Variants in NKAIN3 observed in about 807,000 individuals in gnomAD.
NKAIN3 encodes sodium/potassium-transporting ATPase subunit beta-1-interacting protein 3.
Under a neutral mutation model 30.2 loss-of-function variants are expected in NKAIN3, and 25 were observed. That is an observed-to-expected ratio of 0.83 (90% CI 0.60 to 1.16). The LOEUF is 1.16. NKAIN3 is among the 50% of genes most tolerant of loss of function. The pLI is 0.00. For missense variants in NKAIN3, 225 were observed against 254.1 expected (o/e 0.89, Z 0.78); for synonymous variants, 91 against 89.6 (o/e 1.02, Z -0.09).
Position 62,465,228 on chromosome 8 carries a change from A to T in NKAIN3, c.55-114311A>T, listed in dbSNP as rs190336903. On this transcript the variant is annotated intron_variant, in intron 1 of 6. Transcript: ENST00000623646. ...GTTGCAAGTAACATAACATCATCAGATTTATACCATAATTGTAAGATGCAA... is the reference window on the plus strand; with the variant it reads ...GTTGCAAGTAACATAACATCATCAGTTTTATACCATAATTGTAAGATGCAA... Among the ~76,000 whole-genome samples the T allele has an allele frequency of 8.9e-4, 136 of 152,308 alleles. 1 individual carries two copies. The highest frequency in any genetic ancestry group is 8.8e-3 in the Admixed American group (135 of 15,300).
intron 1 of NKAIN3, among the ~76,000 whole-genome samples, chr8:62,372,705 C>T (rs922162436): frequency 6.6e-6 from 1 of 151,800 alleles, no homozygotes; most frequent in African/African-American, 2.4e-5. Flanking sequence ...TTTATGTTTC[C>T]TTGTTTTATG....
chr8:62,317,257 G>A (rs530871933), intron 1 of NKAIN3, among the ~76,000 whole-genome samples: 51 of 152,180 alleles, frequency 3.4e-4, no homozygotes, highest in African/African-American at 8.7e-4. Flanking sequence ...TTCTTTTGCC[G>A]TGCAGAAGCT....
rs2129588418 is a variant in NKAIN3 at position 62,307,771 on chromosome 8, G to C, written c.54+58644G>C. Among the ~76,000 whole-genome samples, 2 of 150,908 alleles carry C rather than the reference G, an allele frequency of 1.3e-5. 1 individual carries two copies. Among genetic ancestry groups the C allele is most frequent in the African/African-American group, 5.0e-5 (2 of 40,262 alleles). The stretch of plus-strand genomic sequence containing the variant: ...CAACATGAGAAATATTATGTGAACT[G>C]CATGAAACTTTTTGAGACAAGAAGA... On this transcript the variant is annotated intron_variant, in intron 1 of 6. Transcript: ENST00000623646.
At chr8:62,578,969 G>A (rs28452475) in intron 1 of NKAIN3, among the ~76,000 whole-genome samples, 13,234 of 151,600 alleles carry the variant, frequency 0.087, 611 homozygotes, top group East Asian at 0.16. Context: ...AATAAGATCT[G>A]GTATTTGATA....
chr8:62,820,546 A>G (rs1818817263), intron 4 of NKAIN3, among the ~76,000 whole-genome samples: 1 of 152,144 alleles, frequency 6.6e-6, no homozygotes, highest in African/African-American at 2.4e-5. Flanking sequence ...CTATAGGACA[A>G]CCAGGCAGAG....
intron 1 of NKAIN3, among the ~76,000 whole-genome samples, chr8:62,254,442 T>C (rs1812206295): frequency 6.6e-6 from 1 of 151,614 alleles, no homozygotes; most frequent in African/African-American, 2.4e-5. Context: ...TAATACAAGG[T>C]GAGTAGAGAA....
chr8:62,950,944 C>CTTTTTTTTTTTTTT (rs71559384), intron 5 of NKAIN3, among the ~76,000 whole-genome samples: 6 of 100,682 alleles, frequency 6.0e-5, no homozygotes, highest in Admixed American at 1.2e-4. Context: ...AAACAGAATC[C>CTTTTTTTTTTTTTT]TTTTTTTTTT....
chr8:62,949,493 A>C (rs1216716985), intron 5 of NKAIN3, among the ~76,000 whole-genome samples: 1 of 152,176 alleles, frequency 6.6e-6, no homozygotes, highest in Non-Finnish European at 1.5e-5. Flanking sequence ...GTAACCACAA[A>C]GATATTCTGT....
intron 3 of NKAIN3, among the ~76,000 whole-genome samples, chr8:62,672,708 A>T (rs1280624681): frequency 1.3e-5 from 2 of 152,180 alleles, no homozygotes. Flanking sequence ...TATGGCTGCT[A>T]ATACCTTTTC....
Position 62,746,922 on chromosome 8 carries a change from A to T in NKAIN3, c.274-10A>T. ...TCCTCATTTTGCTCTTTTGTCTCCT[A>T]CCCACCTAGGACACCGATCTAATGA... On this transcript the variant is annotated splice_polypyrimidine_tract_variant and intron_variant, in intron 3 of 6. Coordinates refer to ENST00000623646, the MANE Select transcript of NKAIN3 (RefSeq NM_001304533.3). The T allele has an allele frequency of 6.3e-7, 1 of 1,584,164 alleles. No homozygotes were observed. Among genetic ancestry groups the T allele is most frequent in the Non-Finnish European group, 8.7e-7 (1 of 1,155,886 alleles).
At chr8:62,297,948 G>A (rs1176776881) in intron 1 of NKAIN3, among the ~76,000 whole-genome samples, 10 of 152,138 alleles carry the variant, frequency 6.6e-5, no homozygotes, top group East Asian at 3.9e-4. Context: ...GATAGACTGG[G>A]TTAAGAAAAT....
At chr8:62,726,189 A>G (rs918164993) in intron 3 of NKAIN3, among the ~76,000 whole-genome samples, 1 of 152,060 alleles carries the variant, frequency 6.6e-6, no homozygotes, top group Admixed American at 6.5e-5. Flanking sequence ...CTAATTTTAT[A>G]TTCTACAACT....
chr8:62,647,768 G>C (rs1812511166), intron 3 of NKAIN3, among the ~76,000 whole-genome samples: 1 of 152,224 alleles, frequency 6.6e-6, no homozygotes, highest in South Asian at 2.1e-4. Context: ...TGAGCCTGGA[G>C]ATGAAGTTAG....
chr8:62,849,869 C>G (rs1819828822), intron 4 of NKAIN3, among the ~76,000 whole-genome samples: 1 of 152,030 alleles, frequency 6.6e-6, no homozygotes, highest in South Asian at 2.1e-4. Flanking sequence ...GGACATTTGG[C>G]TTGGTTCCAA....
chr8:62,686,136 C>T (rs1169499097), intron 3 of NKAIN3, among the ~76,000 whole-genome samples: 1 of 152,132 alleles, frequency 6.6e-6, no homozygotes, highest in African/African-American at 2.4e-5. Context: ...CCAGTCTGCT[C>T]CTAGCAAATC....
chr8:62,465,260 A>G (rs985015398), intron 1 of NKAIN3, among the ~76,000 whole-genome samples: 1 of 152,192 alleles, frequency 6.6e-6, no homozygotes, highest in Non-Finnish European at 1.5e-5. Context: ...GCAAATGTAT[A>G]ATTACTAGAA....
At chr8:62,595,725 G>A (rs751296692) in intron 3 of NKAIN3, among the ~76,000 whole-genome samples, 4 of 151,958 alleles carry the variant, frequency 2.6e-5, no homozygotes, top group Admixed American at 6.6e-5. Context: ...GACGTTGGCC[G>A]ACAACAACTC....
chr8:62,890,864 G>C (rs149497206), intron 4 of NKAIN3, among the ~76,000 whole-genome samples: 8 of 152,148 alleles, frequency 5.3e-5, no homozygotes, highest in Non-Finnish European at 1.0e-4. Context: ...TTGCTAATGT[G>C]GTATTTCCAA....
intron 4 of NKAIN3, among the ~76,000 whole-genome samples, chr8:62,767,119 C>T (rs1816864055): frequency 6.6e-6 from 1 of 152,134 alleles, no homozygotes; most frequent in Non-Finnish European, 1.5e-5. Context: ...GAGCTACACA[C>T]TTAATTCTTT....
Sources: gnomAD v4.1 joint callset for allele counts (sites outside exome capture counted in the v4.1 genomes callset) on GRCh38, gnomAD v4.1.1 for gene constraint, MANE v1.5 for transcripts, NCBI Gene and HGNC (gene_info 2026-07-23, HGNC 2026-07-21) for gene names.